SLIT2: variants seen among roughly 807,000 people sequenced by gnomAD.
SLIT2 encodes slit homolog 2 protein.
SLIT2 carries 41 observed loss-of-function variants against 185.7 expected under a neutral mutation model. The ratio of observed to expected loss-of-function variants is 0.22; its 90% CI spans 0.17 to 0.29. The LOEUF is 0.29. SLIT2 is among the 10% of genes least tolerant of loss of function. SLIT2 has a pLI of 1.00. For missense variants in SLIT2, 1,571 were observed against 1,909.0 expected (o/e 0.82, Z 3.30); for synonymous variants, 693 against 680.2 (o/e 1.02, Z -0.29).
At chr4:20,589,600 T>C (rs1338086425) in intron 29 of SLIT2, 44 bp from the exon 30 acceptor site, 1 of 1,425,100 alleles carries the variant, frequency 7.0e-7, no homozygotes, top group Non-Finnish European at 9.9e-7. Context: ...GCAGGAAGCC[T>C]GTTGACCTTT....
At chr4:20,421,923 G>A (rs911466378) in intron 4 of SLIT2, among the ~76,000 whole-genome samples, 6 of 152,246 alleles carry the variant, frequency 3.9e-5, no homozygotes, top group African/African-American at 1.4e-4. Context: ...AGAAAAGTCA[G>A]CCTATGCTTA....
chr4:20,338,528 G>A (rs1023181167), intron 4 of SLIT2, among the ~76,000 whole-genome samples: 8 of 152,092 alleles, frequency 5.3e-5, no homozygotes, highest in African/African-American at 1.9e-4. Flanking sequence ...GAGTCTAAAG[G>A]TAAATAACAG....
chr4:20,308,965 T>C (rs1216443467), intron 4 of SLIT2, among the ~76,000 whole-genome samples: 1 of 152,156 alleles, frequency 6.6e-6, no homozygotes, highest in African/African-American at 2.4e-5. Context: ...AGTCTTATTT[T>C]GGAGGTTTCG....
Position 20,569,209 on chromosome 4 carries a change from T to A in SLIT2, c.3088+205T>A, listed in dbSNP as rs560529676. On this transcript the variant is annotated intron_variant, in intron 29 of 36. Transcript: ENST00000504154. ...AGACCCAGGAATCTCTGTTCAAACATACGCATCTATTATAAAGCCATGCTA... is the reference window on the plus strand; with the variant it reads ...AGACCCAGGAATCTCTGTTCAAACAAACGCATCTATTATAAAGCCATGCTA... 94 of 552,672 alleles carry A rather than the reference T, an allele frequency of 1.7e-4. 2 individuals are homozygous for A. The highest frequency in any genetic ancestry group is 1.7e-3 in the South Asian group (79 of 47,748). 34.2% of individuals were successfully genotyped at this position (552,672 alleles called of 1,614,324 possible). A position where few individuals can be genotyped will look rare whatever the true frequency, so the allele number is the denominator to read the frequency against.
At chr4:20,588,518 A>T (rs1040147722) in intron 29 of SLIT2, among the ~76,000 whole-genome samples, 8 of 152,224 alleles carry the variant, frequency 5.3e-5, no homozygotes, top group African/African-American at 1.7e-4. Flanking sequence ...CTGCCTATAG[A>T]TGTGTCACTT....
intron 4 of SLIT2, among the ~76,000 whole-genome samples, chr4:20,328,639 A>G (rs542089126): frequency 6.6e-6 from 1 of 152,214 alleles, no homozygotes; most frequent in African/African-American, 2.4e-5. Flanking sequence ...TGGGACTTCA[A>G]GAAAAATATT....
chr4:20,576,484 T>C (rs1366434203), intron 29 of SLIT2, among the ~76,000 whole-genome samples: 1 of 152,192 alleles, frequency 6.6e-6, no homozygotes, highest in Non-Finnish European at 1.5e-5. Flanking sequence ...GTAGATTTTG[T>C]GTATATTTTT....
chr4:20,351,369 G>A (rs1721862585), intron 4 of SLIT2, among the ~76,000 whole-genome samples: 1 of 152,110 alleles, frequency 6.6e-6, no homozygotes, highest in Non-Finnish European at 1.5e-5. Context: ...TTCACAAATG[G>A]CAGAAACATT....
chr4:20,589,512 T>C (rs1377923594), intron 29 of SLIT2, 132 bp from the exon 30 acceptor site: 1 of 685,572 alleles, frequency 1.5e-6, no homozygotes, highest in African/African-American at 1.8e-5. Flanking sequence ...GCTTTTGTTT[T>C]GGGTTTTTTG....
chr4:20,332,089 T>A (rs78767719), intron 4 of SLIT2, among the ~76,000 whole-genome samples: 1 of 152,192 alleles, frequency 6.6e-6, no homozygotes, highest in Non-Finnish European at 1.5e-5. Context: ...TGAGCAGTCA[T>A]GTTGAACTTT....
rs539901020 is a variant in SLIT2, at chr4:20,556,810, CCAAA to C, written c.2725+2845_2725+2848del. Among the ~76,000 whole-genome samples, 150 of 152,146 alleles carry C rather than the reference CCAAA, an allele frequency of 9.9e-4. 1 individual carries two copies. The highest frequency in any genetic ancestry group is 3.5e-3 in the African/African-American group (144 of 41,452). On this transcript the variant is annotated intron_variant, in intron 26 of 36. Transcript: ENST00000504154. ...GAGACCCAAAGCTAAGCCTCTTGTG[CCAAA>C]CAGTTAGCCAAGTTGTGAATACAAA...
At chr4:20,456,045 T>C (rs544334708) in intron 4 of SLIT2, among the ~76,000 whole-genome samples, 2 of 152,118 alleles carry the variant, frequency 1.3e-5, no homozygotes, top group Non-Finnish European at 2.9e-5. Context: ...CAGAATTGAG[T>C]ATATACATCG....
At chr4:20,294,296 C>G (rs182535876) in intron 4 of SLIT2, among the ~76,000 whole-genome samples, 7 of 151,532 alleles carry the variant, frequency 4.6e-5, no homozygotes, top group African/African-American at 1.7e-4. Context: ...TTGCACTGAG[C>G]CAAGATCACA....
In SLIT2 at chr4:20,458,204, G is replaced by A. The variant is rs565734602; in HGVS notation, c.396-9548G>A. On this transcript the variant is annotated intron_variant, in intron 4 of 36. Coordinates refer to ENST00000504154, the MANE Select transcript of SLIT2 (RefSeq NM_004787.4). ...GTGAACTGTACACTTCAAAGTGGGT[G>A]AAATGGTAAATTTCATGTTATAAAA... Among the ~76,000 whole-genome samples, 80 of 152,150 alleles carry A rather than the reference G, an allele frequency of 5.3e-4. No homozygotes were observed. In the South Asian group the frequency reaches 0.015, roughly 28 times the overall value.
chr4:20,518,474 G>A (rs1244940352), intron 11 of SLIT2, among the ~76,000 whole-genome samples: 7 of 126,854 alleles, frequency 5.5e-5, no homozygotes, highest in Non-Finnish European at 1.1e-4. Flanking sequence ...GGATGATCTC[G>A]ATCTCCTGAC....
chr4:20,395,652 A>T (rs1273726700), intron 4 of SLIT2, among the ~76,000 whole-genome samples: 1 of 151,980 alleles, frequency 6.6e-6, no homozygotes, highest in African/African-American at 2.4e-5. Flanking sequence ...AATGCAAATA[A>T]AATACATTAC....
Position 20,252,646 on chromosome 4 carries a change from A to C in SLIT2, c.-1170A>C, listed in dbSNP as rs2108998007. ...TCTTGTTTCTTCTACCTTTGCCATC[A>C]GGTGTCTGCCGCGGAGCTGCGGCTT... On this transcript the variant is annotated 5_prime_UTR_variant, in exon 1 of 37. Coordinates refer to ENST00000504154, the MANE Select transcript of SLIT2 (RefSeq NM_004787.4). Among the ~76,000 whole-genome samples the C allele has an allele frequency of 6.6e-6, 1 of 152,244 alleles. No homozygotes were observed. Among genetic ancestry groups the C allele is most frequent in the Non-Finnish European group, 1.5e-5 (1 of 68,000 alleles).
At chr4:20,594,291 G>GTATA (rs375488390) in intron 30 of SLIT2, among the ~76,000 whole-genome samples, 14 of 149,374 alleles carry the variant, frequency 9.4e-5, no homozygotes, top group African/African-American at 1.2e-4. Context: ...GTATATGTGT[G>GTATA]TATATATATA....
chr4:20,304,195 C>T (rs1388075559), intron 4 of SLIT2, among the ~76,000 whole-genome samples: 1 of 152,014 alleles, frequency 6.6e-6, no homozygotes, highest in Non-Finnish European at 1.5e-5. Flanking sequence ...ACTCAATACA[C>T]ATTTGTTCAT....
Sources: allele counts gnomAD v4.1 joint callset (sites outside exome capture counted in the v4.1 genomes callset), GRCh38; gene constraint gnomAD v4.1.1; transcripts MANE v1.5; gene names NCBI Gene and HGNC (gene_info 2026-07-23, HGNC 2026-07-21).